Variants in TRAPPC8 observed in about 807,000 individuals in gnomAD.
TRAPPC8 encodes general sporulation gene 1 homolog.
A neutral mutation model predicts 174.3 loss-of-function variants in TRAPPC8; 54 were observed. That is an observed-to-expected ratio of 0.31 (90% CI 0.25 to 0.39). The LOEUF is 0.39. TRAPPC8 is among the 10% of genes least tolerant of loss of function. The pLI, the probability that TRAPPC8 is intolerant of heterozygous loss-of-function variation, is 1.00. For synonymous variants in TRAPPC8, 630 were observed against 579.9 expected (o/e 1.09, Z -1.24); for missense variants, 1,531 against 1,699.1 (o/e 0.90, Z 1.74).
rs889567694 is a variant in TRAPPC8 at position 31,903,109 on chromosome 18, C to T, written c.1390-2084G>A. 3.3e-5 allele frequency among the ~76,000 whole-genome samples: 3 copies of T among 89,600 alleles called. No individual in the cohort carries two copies. In the Admixed American group the frequency reaches 4.3e-4, roughly 13 times the overall value. 58.8% of individuals were successfully genotyped at this position (89,600 alleles called of 152,430 possible). A position where few individuals can be genotyped will look rare whatever the true frequency, so the allele number is the denominator to read the frequency against. ...CAGTGTCCTGCTTTTTGATTGCGCG[C>T]GTGCGTGCGTGCGTGTGTGTGTGTG... On this transcript the variant is annotated intron_variant, in intron 9 of 28. Coordinates refer to ENST00000283351, the MANE Select transcript of TRAPPC8 (RefSeq NM_014939.5).
chr18:31,907,906 A>G (rs1328832561), intron 8 of TRAPPC8, among the ~76,000 whole-genome samples: 1 of 152,230 alleles, frequency 6.6e-6, no homozygotes, highest in African/African-American at 2.4e-5. Context: ...TACAACCAGG[A>G]GAAAGATTAA....
chr18:31,921,728 T>A (rs1172132712), intron 2 of TRAPPC8, among the ~76,000 whole-genome samples: 1 of 152,160 alleles, frequency 6.6e-6, no homozygotes, highest in Non-Finnish European at 1.5e-5. Context: ...AGCTTTCTCA[T>A]CTCACCTTCT....
intron 11 of TRAPPC8, among the ~76,000 whole-genome samples, chr18:31,891,473 T>C (rs1345443230): frequency 6.6e-6 from 1 of 152,154 alleles, no homozygotes; most frequent in Non-Finnish European, 1.5e-5. Flanking sequence ...ATTACATTAA[T>C]AAAGAATACA....
At chr18:31,912,210 G>T (rs1221000366) in intron 5 of TRAPPC8, among the ~76,000 whole-genome samples, 1 of 152,176 alleles carries the variant, frequency 6.6e-6, no homozygotes, top group Non-Finnish European at 1.5e-5. Flanking sequence ...TACGAAAGAG[G>T]CTGGGCATGA....
chr18:31,908,215 G>T, intron 8 of TRAPPC8, 88 bp downstream of exon 8: 1 of 656,498 alleles, frequency 1.5e-6, no homozygotes, highest in Non-Finnish European at 2.3e-6. Flanking sequence ...AGAAATTAAA[G>T]AGATAGTTAT....
chr18:31,870,436 G>T lies in TRAPPC8; in HGVS notation c.2324C>A (p.Ser775Ter). 1 of 1,612,186 alleles carries T rather than the reference G, an allele frequency of 6.2e-7. No individual in the cohort carries two copies. The highest frequency in any genetic ancestry group is 1.1e-5 in the South Asian group (1 of 90,808). ...LKVLLLLTDL[S>*]LLWKFHPKDF... ...TTTAGGATGAAACTTCCAAAGCAAT[G>T]ACAAATCAGTCAACAAAAGTAGAAC... is the stretch of plus-strand genomic sequence containing the variant. Residue 775 changes from serine (S) to a stop codon, truncating the protein, a stop_gained, in exon 16 of 29, where the codon TCA becomes TAA. Coordinates refer to ENST00000283351, the MANE Select transcript of TRAPPC8 (RefSeq NM_014939.5). LOFTEE classifies it high-confidence loss of function.
intron 5 of TRAPPC8, among the ~76,000 whole-genome samples, chr18:31,912,317 C>A (rs575267557): frequency 6.6e-6 from 1 of 152,040 alleles, no homozygotes. Flanking sequence ...ATGGTGAAAC[C>A]CTCTCTCTGC....
chr18:31,884,813 G>A (rs968321048), intron 12 of TRAPPC8, among the ~76,000 whole-genome samples: 1 of 151,678 alleles, frequency 6.6e-6, no homozygotes, highest in African/African-American at 2.4e-5. Context: ...TTGAGACCAC[G>A]CTGGGCAACA....
intron 13 of TRAPPC8, chr18:31,873,848 T>A (rs569848642): frequency 4.8e-5 from 11 of 227,924 alleles, no homozygotes; most frequent in Admixed American, 1.6e-4. Flanking sequence ...CTGCCAAAAT[T>A]CTAACCCATA....
At position 31,942,993 on chromosome 18, in the gene TRAPPC8, G is replaced by A. The variant is rs2038419152; in HGVS notation, c.-229C>T. On this transcript the variant is annotated 5_prime_UTR_variant, in exon 1 of 29. Transcript: ENST00000283351. ...CCGCCGCTTCTCAGCGCTCGTCCCCGCGTGCTCGCATTCCACCCCGATAGG... is the reference window on the plus strand; with the variant it reads ...CCGCCGCTTCTCAGCGCTCGTCCCCACGTGCTCGCATTCCACCCCGATAGG... The A allele has an allele frequency of 2.2e-6, 2 of 895,882 alleles. No homozygotes were observed. The highest frequency in any genetic ancestry group is 1.7e-5 in the African/African-American group (1 of 57,714). The allele number at this position is 895,882 out of a possible 1,614,324, so 55.5% of individuals were successfully genotyped here.
At position 31,874,637 on chromosome 18, in the gene TRAPPC8, G is replaced by T; in HGVS notation, c.1796C>A (p.Ala599Glu). ...QVYKGKGWSL[A>E]EDHINFTIGR... ...AATAGTGAAATTAATGTGATCCTCT[G>T]CAAGAGACCAGCCTTTTCCTTTGTA... The change falls in exon 13 of 29, where the codon GCA becomes GAA. Residue 599 changes from alanine to glutamate, a missense_variant. Physicochemically the swap from Ala to Glu is moderately radical, Grantham distance 107. Coordinates refer to ENST00000283351, the MANE Select transcript of TRAPPC8 (RefSeq NM_014939.5). The T allele has an allele frequency of 6.2e-7, 1 of 1,614,094 alleles. No individual in the cohort carries two copies.
In TRAPPC8 at chr18:31,875,716, A is replaced by G. The variant is rs1358978495; in HGVS notation, c.1729-1012T>C. ...TATACAAGATGTGTGTTCAAAATGG[A>G]AAATTGCAAGGAATGCCAAAATCTT... On this transcript the variant is annotated intron_variant, in intron 12 of 28. Transcript: ENST00000283351. Among the ~76,000 whole-genome samples the G allele has an allele frequency of 2.0e-5, 3 of 152,362 alleles. No individual in the cohort carries two copies. In the East Asian group the frequency reaches 5.8e-4, roughly 29 times the overall value.
intron 11 of TRAPPC8, 30 bp downstream of exon 11, chr18:31,897,756 A>T: frequency 2.1e-6 from 3 of 1,447,054 alleles, no homozygotes; most frequent in Non-Finnish European, 2.8e-6. Context: ...AACAATGCTA[A>T]TTAAAGCAAA....
intron 26 of TRAPPC8, among the ~76,000 whole-genome samples, chr18:31,846,110 T>G (rs1282447671): frequency 6.6e-6 from 1 of 152,178 alleles, no homozygotes; most frequent in African/African-American, 2.4e-5. Context: ...ATTCTTTTCA[T>G]ACCTATGAAT....
intron 1 of TRAPPC8, among the ~76,000 whole-genome samples, chr18:31,938,012 TC>T (rs1459831958): frequency 6.6e-6 from 1 of 152,160 alleles, no homozygotes; most frequent in Non-Finnish European, 1.5e-5. Flanking sequence ...TACTTTTTAA[TC>T]CCTTTAGTAA....
chr18:31,858,252 A>C (rs74801670), intron 19 of TRAPPC8, among the ~76,000 whole-genome samples: 2 of 152,002 alleles, frequency 1.3e-5, no homozygotes, highest in East Asian at 1.9e-4. Context: ...ACATGTCAAA[A>C]TTTCACAACT....
chr18:31,911,510 A>AG, intron 5 of TRAPPC8, among the ~76,000 whole-genome samples: 1 of 151,366 alleles, frequency 6.6e-6, no homozygotes, highest in East Asian at 2.0e-4. Context: ...AGGCTGAGGC[A>AG]GGGGGATAAC....
chr18:31,879,111 T>C (rs2035299267), intron 12 of TRAPPC8, among the ~76,000 whole-genome samples: 1 of 152,184 alleles, frequency 6.6e-6, no homozygotes, highest in Admixed American at 6.5e-5. Flanking sequence ...TAAATCGGAC[T>C]TTTGACCAAA....
Position 31,855,735 on chromosome 18 carries a change from T to C in TRAPPC8, c.3261A>G (p.Arg1087=), listed in dbSNP as rs2033966093. 6.2e-7 allele frequency: 1 copy of C among 1,612,200 alleles called. No individual in the cohort carries two copies. The highest frequency in any genetic ancestry group is 1.3e-5 in the African/African-American group (1 of 74,678). Residue 1087 remains arginine (R), a synonymous_variant, in exon 21 of 29, where the codon AGA becomes AGG. Transcript: ENST00000283351. ...RSLNVRATVC[R]SNSLENEEGR... is the part of the protein sequence containing the mutation. ...CTTCTTCATTTTCAAGAGAATTACT[T>C]CTGCAGACAGTGGCCCGTACATTTA...
Sources: gnomAD v4.1 joint callset for allele counts (sites outside exome capture counted in the v4.1 genomes callset) on GRCh38, gnomAD v4.1.1 for gene constraint, MANE v1.5 for transcripts, NCBI Gene and HGNC (gene_info 2026-07-23, HGNC 2026-07-21) for gene names.